Variants in RIMS2 observed in about 807,000 individuals in gnomAD.
RIMS2 encodes the protein regulating synaptic membrane exocytosis 2, also known as regulating synaptic membrane exocytosis protein 2.
A neutral mutation model predicts 174.4 loss-of-function variants in RIMS2; 59 were observed. The ratio of observed to expected loss-of-function variants is 0.34; its 90% CI spans 0.27 to 0.42. RIMS2 has a LOEUF of 0.42. Ranked by LOEUF, RIMS2 falls within the 10% of genes least tolerant of loss-of-function variation. The pLI, the probability that RIMS2 is intolerant of heterozygous loss-of-function variation, is 1.00. For missense variants in RIMS2, 1,620 were observed against 1,666.3 expected (o/e 0.97, Z 0.48); for synonymous variants, 606 against 572.5 (o/e 1.06, Z -0.84).
At position 104,248,860 on chromosome 8, in the gene RIMS2, G is replaced by A. The variant is rs565684057; in HGVS notation, c.3589+47G>A. 40 of 942,052 alleles carry A rather than the reference G, an allele frequency of 4.2e-5. No individual in the cohort carries two copies. In the Admixed American group the frequency reaches 4.6e-4, roughly 11 times the overall value. 58.4% of individuals were successfully genotyped at this position (942,052 alleles called of 1,614,324 possible). On this transcript the variant is annotated intron_variant, in intron 21 of 23. Coordinates refer to ENST00000504942, the Ensembl canonical transcript of RIMS2. ...TTTCACTATTTTGTTTTAGATTGTT[G>A]AAAATGAAATTCTCTAAATTTCATA...
In RIMS2 at chr8:104,056,987, T is replaced by C. The variant is rs776992897; in HGVS notation, c.3334+42372T>C. Among the ~76,000 whole-genome samples, 2 of 152,084 alleles carry C rather than the reference T, an allele frequency of 1.3e-5. 1 individual carries two copies. The highest frequency in any genetic ancestry group is 2.9e-5 in the Non-Finnish European group (2 of 68,004). On this transcript the variant is annotated intron_variant, in intron 19 of 23. Transcript: ENST00000504942. The stretch of plus-strand genomic sequence containing the variant: ...GTCCCGTCAACTCTGTGGTGGTTAC[T>C]TCCACTGTACTCTGCAGGCATAAAA...
intron 1 of RIMS2, among the ~76,000 whole-genome samples, chr8:103,572,071 G>A (rs984411939): frequency 2.6e-5 from 4 of 152,082 alleles, no homozygotes; most frequent in Non-Finnish European, 5.9e-5. Flanking sequence ...TCTTAAAGAT[G>A]GTGTGTCAGG....
intron 19 of RIMS2, among the ~76,000 whole-genome samples, chr8:104,231,480 A>G (rs772786195): frequency 1.8e-4 from 28 of 151,978 alleles, no homozygotes; most frequent in Admixed American, 4.6e-4. Context: ...TTACCACTGT[A>G]TATATATCCT....
At chr8:104,079,999 G>T (rs965788535) in intron 19 of RIMS2, among the ~76,000 whole-genome samples, 8 of 151,930 alleles carry the variant, frequency 5.3e-5, no homozygotes, top group African/African-American at 1.9e-4. Context: ...TTTAGAAGAA[G>T]ATATAGGTAG....
At chr8:103,854,522 G>C (rs1380291737) in intron 3 of RIMS2, among the ~76,000 whole-genome samples, 6 of 151,228 alleles carry the variant, frequency 4.0e-5, no homozygotes, top group Non-Finnish European at 7.4e-5. Flanking sequence ...ATTATTTTGA[G>C]ACATGTTGTT....
At chr8:103,972,005 A>G (rs866429758) in intron 15 of RIMS2, among the ~76,000 whole-genome samples, 2 of 152,186 alleles carry the variant, frequency 1.3e-5, no homozygotes, top group Middle Eastern at 6.8e-3. Context: ...CTATTCTTGG[A>G]TCTTTTCTCT....
chr8:103,565,425 C>T (rs1169826082), intron 1 of RIMS2, among the ~76,000 whole-genome samples: 2 of 152,074 alleles, frequency 1.3e-5, no homozygotes, highest in Admixed American at 1.3e-4. Context: ...CTACCTCAGC[C>T]TTCCAAGTAG....
At chr8:103,864,915 T>C (rs1294963863) in intron 3 of RIMS2, among the ~76,000 whole-genome samples, 1 of 152,170 alleles carries the variant, frequency 6.6e-6, no homozygotes, top group African/African-American at 2.4e-5. Flanking sequence ...CTTAAGATAA[T>C]TAATTAAATG....
chr8:103,824,510 T>C lies in RIMS2; in HGVS notation c.698+57973T>C, dbSNP rs138158985. Among the ~76,000 whole-genome samples, 936 of 152,318 alleles carry C rather than the reference T, an allele frequency of 6.1e-3. 12 individuals are homozygous for C. Among genetic ancestry groups the C allele is most frequent in the African/African-American group, 0.021 (886 of 41,580 alleles). On this transcript the variant is annotated intron_variant, in intron 3 of 23. Coordinates refer to ENST00000504942, the Ensembl canonical transcript of RIMS2. ...TTTAGAAAAATGTGTGAACATTTCT[T>C]ATAGGGAAAAATGGAAAAACCCATT...
intron 17 of RIMS2, among the ~76,000 whole-genome samples, chr8:104,001,357 T>A (rs367576462): frequency 1.3e-5 from 2 of 151,982 alleles, no homozygotes; most frequent in South Asian, 2.1e-4. Context: ...CATAAATATG[T>A]ACAACTATTA....
chr8:103,860,511 C>T (rs1173799656), intron 3 of RIMS2, among the ~76,000 whole-genome samples: 4 of 151,860 alleles, frequency 2.6e-5, no homozygotes, highest in East Asian at 3.9e-4. Flanking sequence ...GGAAAGGGTG[C>T]ATGCAAGTTG....
intron 16 of RIMS2, chr8:103,976,261 A>T (rs2093413854): frequency 6.6e-6 from 1 of 152,224 alleles, no homozygotes; most frequent in Non-Finnish European, 1.5e-5. Context: ...GAAAAACAAG[A>T]TGCTATACAA....
chr8:103,940,726 A>T (rs1039479276), intron 13 of RIMS2, among the ~76,000 whole-genome samples: 12 of 152,054 alleles, frequency 7.9e-5, no homozygotes, highest in African/African-American at 2.9e-4. Flanking sequence ...AAATACAAAA[A>T]TTAGCTGGGC....
rs187293794 is a variant in RIMS2, at chr8:103,519,653, T to A, written c.176+18591T>A. On this transcript the variant is annotated intron_variant, in intron 1 of 23. Transcript: ENST00000504942. ...GTCACTTAAAATAAGCAGTGCTTAA[T>A]CCTGAATTTAGAATTCTTGATTTCT... Among the ~76,000 whole-genome samples the A allele has an allele frequency of 1.5e-3, 222 of 152,126 alleles. 2 individuals carry two copies. Among genetic ancestry groups the A allele is most frequent in the African/African-American group, 4.8e-3 (201 of 41,544 alleles).
chr8:103,596,629 A>T (rs927586871), intron 1 of RIMS2, among the ~76,000 whole-genome samples: 1 of 152,190 alleles, frequency 6.6e-6, no homozygotes, highest in South Asian at 2.1e-4. Flanking sequence ...CATACATTAT[A>T]TGTATTGAAA....
At chr8:103,926,218 G>C (rs2078747637) in intron 10 of RIMS2, among the ~76,000 whole-genome samples, 1 of 151,466 alleles carries the variant, frequency 6.6e-6, no homozygotes, top group South Asian at 2.1e-4. Flanking sequence ...AGGAAGACAG[G>C]GGAAATAAAA....
intron 4 of RIMS2, among the ~76,000 whole-genome samples, chr8:103,893,535 T>G (rs1028624317): frequency 6.6e-6 from 1 of 152,114 alleles, no homozygotes; most frequent in Non-Finnish European, 1.5e-5. Flanking sequence ...AGATCAGGGA[T>G]AGATAAACTA....
intron 1 of RIMS2, among the ~76,000 whole-genome samples, chr8:103,696,862 CAAAAAAA>C (rs55852238): frequency 1.1e-4 from 6 of 53,722 alleles, no homozygotes; most frequent in African/African-American, 4.6e-4. Flanking sequence ...GACTTCGTCT[CAAAAAAA>C]AAAAAAAAAA....
chr8:103,566,097 A>T (rs1336493533), intron 1 of RIMS2, among the ~76,000 whole-genome samples: 1 of 152,194 alleles, frequency 6.6e-6, no homozygotes, highest in Non-Finnish European at 1.5e-5. Context: ...GGTTCTGCTG[A>T]GATGTGGTTT....
Sources: gnomAD v4.1 joint callset for allele counts (sites outside exome capture counted in the v4.1 genomes callset) on GRCh38, gnomAD v4.1.1 for gene constraint, MANE v1.5 for transcripts, NCBI Gene and HGNC (gene_info 2026-07-23, HGNC 2026-07-21) for gene names.